PNPT1: variants seen among roughly 807,000 people sequenced by gnomAD.
PNPT1 encodes polyribonucleotide nucleotidyltransferase 1.
In PNPT1, 53 loss-of-function variants were observed where a neutral mutation model predicts 119.5. The ratio of observed to expected loss-of-function variants is 0.44; its 90% CI spans 0.36 to 0.56. The LOEUF is 0.56. PNPT1 is among the 20% of genes least tolerant of loss of function. The pLI, the probability that PNPT1 is intolerant of heterozygous loss-of-function variation, is 0.00. For missense variants in PNPT1, 948 were observed against 938.5 expected (o/e 1.01, Z -0.13); for synonymous variants, 357 against 322.1 (o/e 1.11, Z -1.16).
chr2:55,693,079 C>G (rs984037019), intron 1 of PNPT1, among the ~76,000 whole-genome samples: 1 of 152,180 alleles, frequency 6.6e-6, no homozygotes, highest in African/African-American at 2.4e-5. Context: ...CCATCTCTTA[C>G]CATCTCTGCC....
chr2:55,662,580 CAGA>C (rs1462847212), intron 13 of PNPT1, among the ~76,000 whole-genome samples: 5 of 152,114 alleles, frequency 3.3e-5, no homozygotes, highest in Non-Finnish European at 5.9e-5. Flanking sequence ...GAGGCTGAGG[CAGA>C]AGAATAGCTC....
intron 8 of PNPT1, among the ~76,000 whole-genome samples, chr2:55,676,296 T>C (rs1473190134): frequency 6.8e-6 from 1 of 146,812 alleles, no homozygotes; most frequent in Non-Finnish European, 1.5e-5. Context: ...AAGATTGCTA[T>C]AAACTGTCAA....
chr2:55,636,520 G>C, intron 27 of PNPT1, 128 bp from the exon 28 acceptor site: 1 of 970,826 alleles, frequency 1.0e-6, no homozygotes. Context: ...TGAAAGCATT[G>C]TTCAGTGCTA....
At position 55,640,615 on chromosome 2, in the gene PNPT1, CTG is replaced by C. The variant is rs762759501; in HGVS notation, c.2148+10_2148+11del. On this transcript the variant is annotated intron_variant, in intron 26 of 27. Transcript: ENST00000447944. ...GTTATAAAAATAATAACAATAACAT[CTG>C]TCTTTTTACCTTTCGTTGATCAAGT... 7.1e-6 allele frequency: 11 copies of C among 1,552,650 alleles called. No individual in the cohort carries two copies. The highest frequency in any genetic ancestry group is 9.8e-6 in the Non-Finnish European group (11 of 1,126,240).
In PNPT1 at chr2:55,667,082, C is replaced by T. The variant is rs369037911; in HGVS notation, c.1085G>A (p.Arg362Gln). ...TACATTCCTAAGTGAAGTCAAATCC[C>T]GACCATCGCACCTATAGTGATATAG... ...VLNEYKRCDG[R>Q]DLTSLRNVSC... is the part of the protein sequence containing the mutation. Residue 362 changes from arginine to glutamine, a missense_variant, in exon 13 of 28, where the codon CGG (arginine) becomes CAG (glutamine). Arg to Gln is a conservative substitution (Grantham distance 43). Transcript: ENST00000447944. 9 of 1,611,282 alleles carry T rather than the reference C, an allele frequency of 5.6e-6. No individual in the cohort carries two copies. The highest frequency in any genetic ancestry group is 1.3e-5 in the African/African-American group (1 of 74,722).
chr2:55,664,221 A>AGATCTACACATTGT (rs1696666197), intron 13 of PNPT1, among the ~76,000 whole-genome samples: 1 of 152,222 alleles, frequency 6.6e-6, no homozygotes, highest in Non-Finnish European at 1.5e-5. Flanking sequence ...TGTAACTGAT[A>AGATCTACACATTGT]AGACAACTGC....
At chr2:55,668,052 G>C (rs1696793622) in intron 11 of PNPT1, 94 bp from the exon 12 acceptor site, 1 of 1,091,940 alleles carries the variant, frequency 9.2e-7, no homozygotes, top group South Asian at 1.5e-5. Flanking sequence ...CTAACTACGG[G>C]AATCAACCAA....
chr2:55,689,929 C>T (rs955884369), intron 1 of PNPT1, among the ~76,000 whole-genome samples: 3 of 152,166 alleles, frequency 2.0e-5, no homozygotes, highest in African/African-American at 7.2e-5. Flanking sequence ...TCAAGTGATC[C>T]TCCCATCTCA....
intron 19 of PNPT1, among the ~76,000 whole-genome samples, 159 bp downstream of exon 19, chr2:55,647,188 A>C (rs1696030379): frequency 6.6e-6 from 1 of 152,170 alleles, no homozygotes; most frequent in African/African-American, 2.4e-5. Flanking sequence ...GGAGGAAGGG[A>C]AGAACAAGTA....
At position 55,676,238 on chromosome 2, in the gene PNPT1, G is replaced by A. The variant is rs556653826; in HGVS notation, c.680-3159C>T. On this transcript the variant is annotated intron_variant, in intron 8 of 27. Coordinates refer to ENST00000447944, the MANE Select transcript of PNPT1 (RefSeq NM_033109.5). Reference sequence around the variant, plus strand: ...TGCGCCACTGCACTCCAGCCTGGGCGACAGAGTAAGACTCCATCTCAACCA... The same window carrying A: ...TGCGCCACTGCACTCCAGCCTGGGCAACAGAGTAAGACTCCATCTCAACCA... 8.0e-5 allele frequency among the ~76,000 whole-genome samples: 9 copies of A among 112,882 alleles called. 1 individual carries two copies. The highest frequency in any genetic ancestry group is 8.6e-3 in the Middle Eastern group (1 of 116). 74.1% of individuals were successfully genotyped at this position (112,882 alleles called of 152,430 possible). A position where few individuals can be genotyped will look rare whatever the true frequency, so the allele number is the denominator to read the frequency against.
intron 26 of PNPT1, among the ~76,000 whole-genome samples, chr2:55,639,230 G>A (rs1192367034): frequency 6.6e-6 from 1 of 152,060 alleles, no homozygotes. Flanking sequence ...ATATATGAGG[G>A]TTTAGTGTAT....
chr2:55,679,497 A>G (rs1327849504), intron 8 of PNPT1, among the ~76,000 whole-genome samples, 185 bp downstream of exon 8: 2 of 152,210 alleles, frequency 1.3e-5, no homozygotes, highest in African/African-American at 4.8e-5. Flanking sequence ...ATAAAATTGA[A>G]TAAAATCCTG....
chr2:55,640,613 ATC>A lies in PNPT1; in HGVS notation c.2148+12_2148+13del, dbSNP rs773224712. 10 of 1,546,662 alleles carry A rather than the reference ATC, an allele frequency of 6.5e-6. No individual in the cohort carries two copies. The highest frequency in any genetic ancestry group is 1.1e-5 in the South Asian group (1 of 89,322). On this transcript the variant is annotated intron_variant, in intron 26 of 27. Coordinates refer to ENST00000447944, the MANE Select transcript of PNPT1 (RefSeq NM_033109.5). Reference sequence around the variant, plus strand: ...CAGTTATAAAAATAATAACAATAACATCTGTCTTTTTACCTTTCGTTGATCAA... The same window carrying A: ...CAGTTATAAAAATAATAACAATAACATGTCTTTTTACCTTTCGTTGATCAA...
At chr2:55,654,409 G>A (rs1166061463) in intron 18 of PNPT1, among the ~76,000 whole-genome samples, 2 of 152,178 alleles carry the variant, frequency 1.3e-5, no homozygotes, top group Non-Finnish European at 2.9e-5. Context: ...TAAATCGACT[G>A]AAAGATTACA....
Position 55,649,437 on chromosome 2 carries a change from A to G in PNPT1, c.1496-1984T>C, listed in dbSNP as rs535531693. On this transcript the variant is annotated intron_variant, in intron 18 of 27. Transcript: ENST00000447944. ...CATTTCCTATATCCCATCAAGTCACAAAGATCTGTTTATTTTTTTAGAAAG... is the reference window on the plus strand; with the variant it reads ...CATTTCCTATATCCCATCAAGTCACGAAGATCTGTTTATTTTTTTAGAAAG... Among the ~76,000 whole-genome samples the G allele has an allele frequency of 1.2e-4, 19 of 152,342 alleles. No homozygotes were observed. In the Middle Eastern group the frequency reaches 0.017, roughly 136 times the overall value.
chr2:55,676,654 G>A (rs1697082346), intron 8 of PNPT1, among the ~76,000 whole-genome samples: 2 of 152,124 alleles, frequency 1.3e-5, no homozygotes, highest in Non-Finnish European at 2.9e-5. Flanking sequence ...CTGAGGTCAG[G>A]AGTTTGAGAC....
intron 13 of PNPT1, among the ~76,000 whole-genome samples, chr2:55,665,633 C>T (rs1202890418): frequency 1.3e-5 from 2 of 149,938 alleles, no homozygotes; most frequent in African/African-American, 5.1e-5. Context: ...CACTGCACAA[C>T]TCTAGGGGAC....
intron 1 of PNPT1, among the ~76,000 whole-genome samples, chr2:55,689,764 G>A (rs1441678604): frequency 2.0e-5 from 3 of 152,114 alleles, no homozygotes; most frequent in Non-Finnish European, 4.4e-5. Context: ...AATTGATGGT[G>A]GTAATGGCTG....
At position 55,646,301 on chromosome 2, in the gene PNPT1, T is replaced by G; in HGVS notation, c.1696A>C (p.Ile566Leu). The G allele has an allele frequency of 6.2e-7, 1 of 1,613,106 alleles. No homozygotes were observed. The highest frequency in any genetic ancestry group is 8.5e-7 in the Non-Finnish European group (1 of 1,179,200). Residue 566 changes from isoleucine to leucine, a missense_variant, in exon 21 of 28, where the codon ATA (isoleucine) becomes CTA (leucine). Coordinates refer to ENST00000447944, the MANE Select transcript of PNPT1 (RefSeq NM_033109.5). ...GCCTCCATCACAATTTTTATTGGTATTCCAGGTAATTTAATATCAGCCTAA... is the reference window on the plus strand; with the variant it reads ...GCCTCCATCACAATTTTTATTGGTAGTCCAGGTAATTTAATATCAGCCTAA... The part of the protein sequence containing the change: ...ALQADIKLPG[I>L]PIKIVMEAIQ...
Sources: gnomAD v4.1 joint callset for allele counts (sites outside exome capture counted in the v4.1 genomes callset) on GRCh38, gnomAD v4.1.1 for gene constraint, MANE v1.5 for transcripts, NCBI Gene and HGNC (gene_info 2026-07-23, HGNC 2026-07-21) for gene names.